Variants in XCR1 observed in about 807,000 individuals in gnomAD.
XCR1 encodes the protein X-C motif chemokine receptor 1, also known as chemokine XC receptor 1.
For synonymous variants in XCR1, 187 were observed against 188.5 expected, an observed-to-expected ratio of 0.99 and a Z score of 0.06; for missense variants, 356 against 424.2, an observed-to-expected ratio of 0.84 and a Z score of 1.41.
chr3:46,020,892 C>A lies in XCR1; in HGVS notation c.*54G>T. On this transcript the variant is annotated 3_prime_UTR_variant, in exon 2 of 2. Coordinates refer to ENST00000309285, the MANE Select transcript of XCR1 (RefSeq NM_001024644.2). ...TCCTTCCAGGCCCGCTTCTCCATGA[C>A]CCCCATTCCAGTCCCTGTCCACCTG... 1 of 1,571,126 alleles carries A rather than the reference C, an allele frequency of 6.4e-7. No homozygotes were observed. Among genetic ancestry groups the A allele is most frequent in the Non-Finnish European group, 8.6e-7 (1 of 1,160,212 alleles).
intron 5 of XCR1, among the ~76,000 whole-genome samples, chr3:46,053,156 A>G (rs1697780603): frequency 6.6e-6 from 1 of 152,230 alleles, no homozygotes; most frequent in Non-Finnish European, 1.5e-5. Context: ...ATCAAAGGGT[A>G]GAAGACACAT....
chr3:46,053,611 A>G (rs888518420), intron 5 of XCR1, among the ~76,000 whole-genome samples: 1 of 146,288 alleles, frequency 6.8e-6, no homozygotes, highest in South Asian at 2.2e-4. Flanking sequence ...AAGAGGAGAA[A>G]ACTGAAGAAT....
chr3:46,037,353 T>G (rs1476244027), intron 5 of XCR1, among the ~76,000 whole-genome samples: 2 of 152,058 alleles, frequency 1.3e-5, no homozygotes, highest in African/African-American at 4.8e-5. Context: ...AAGAAAGTTA[T>G]GAATGTGACA....
chr3:46,077,621 C>T (rs560424171), intron 1 of XCR1, among the ~76,000 whole-genome samples: 1 of 152,240 alleles, frequency 6.6e-6, no homozygotes, highest in South Asian at 2.1e-4. Context: ...TTCCATGAAA[C>T]TCGTCCCTGG....
intron 5 of XCR1, among the ~76,000 whole-genome samples, chr3:46,041,574 C>T (rs926025535): frequency 1.3e-5 from 2 of 152,142 alleles, no homozygotes; most frequent in African/African-American, 4.8e-5. Context: ...AGATCAATGA[C>T]CAGATTCCCC....
At chr3:46,035,851 G>A (rs755623570) in intron 5 of XCR1, among the ~76,000 whole-genome samples, 1 of 152,082 alleles carries the variant, frequency 6.6e-6, no homozygotes, top group Non-Finnish European at 1.5e-5. Context: ...TTGTTTGTGT[G>A]TGTGTCCAGG....
In XCR1 at chr3:46,021,913, A is replaced by C; in HGVS notation, c.35T>G (p.Phe12Cys). Residue 12 changes from phenylalanine to cysteine, a missense_variant, in exon 2 of 2, where the codon TTT becomes TGT. Physicochemically the swap from Phe to Cys is radical, Grantham distance 205. Transcript: ENST00000309285. This position sits in a 1 kb window ranked among gnomAD's most constrained non-coding sequence, Gnocchi z 4.7. ...ESSGNPESTT[F>C]FYYDLQSQPC... The stretch of plus-strand genomic sequence containing the variant: ...CTGGCTCTGAAGGTCATAGTAAAAA[A>C]AGGTGGTGCTCTCTGGGTTGCCTGA... The C allele has an allele frequency of 6.2e-7, 1 of 1,613,844 alleles. No individual in the cohort carries two copies.
intron 3 of XCR1, among the ~76,000 whole-genome samples, chr3:46,069,421 C>T (rs1453687373): frequency 6.6e-6 from 1 of 152,048 alleles, no homozygotes; most frequent in African/African-American, 2.4e-5. Context: ...ACTACAGACC[C>T]TGCAGACATC....
At chr3:46,072,324 G>C (rs1252033904) in intron 3 of XCR1, among the ~76,000 whole-genome samples, 1 of 151,978 alleles carries the variant, frequency 6.6e-6, no homozygotes, top group Non-Finnish European at 1.5e-5. Flanking sequence ...TTCGAGACCA[G>C]CCTGGGCAAC....
intron 5 of XCR1, among the ~76,000 whole-genome samples, chr3:46,048,474 C>T (rs191565961): frequency 2.0e-4 from 31 of 152,162 alleles, no homozygotes; most frequent in African/African-American, 4.3e-4. Flanking sequence ...TGATTCTGGT[C>T]GGCCTTCTCT....
At chr3:46,023,218 C>A (rs190764829) in intron 1 of XCR1, 32 of 537,034 alleles carry the variant, frequency 6.0e-5, no homozygotes, top group East Asian at 4.2e-4. Context: ...AGAGAGGACG[C>A]GGCTGCGTCG....
chr3:46,043,716 C>G (rs75824352), intron 5 of XCR1, among the ~76,000 whole-genome samples: 33,515 of 113,602 alleles, frequency 0.3, 5,143 homozygotes, highest in South Asian at 0.5. Flanking sequence ...GACCTCATCT[C>G]TACACACACA....
At chr3:46,030,965 C>A (rs538648680), upstream of XCR1, among the ~76,000 whole-genome samples, 3 of 152,232 alleles carry the variant, frequency 2.0e-5, no homozygotes, top group African/African-American at 7.2e-5. Context: ...TTCATTTGTG[C>A]GGGGTTGGCC....
intron 3 of XCR1, among the ~76,000 whole-genome samples, chr3:46,068,060 CCAG>C (rs1487976529): frequency 3.9e-5 from 6 of 152,120 alleles, no homozygotes; most frequent in Non-Finnish European, 7.4e-5. Context: ...CTCTTGGCTG[CCAG>C]TAACAGAGCA....
chr3:46,057,453 TTAAAA>T (rs1377759029), intron 4 of XCR1, among the ~76,000 whole-genome samples: 8 of 152,304 alleles, frequency 5.3e-5, no homozygotes, highest in Non-Finnish European at 1.0e-4. Flanking sequence ...TCCACATATG[TTAAAA>T]TAAATCAGAA....
At chr3:46,058,369 G>C (rs1575430770) in intron 4 of XCR1, among the ~76,000 whole-genome samples, 1 of 152,268 alleles carries the variant, frequency 6.6e-6, no homozygotes, top group East Asian at 1.9e-4. Context: ...GATGAACTCA[G>C]GGCTTCAAAT....
At chr3:46,026,318 A>G (rs2125894479) in intron 1 of XCR1, among the ~76,000 whole-genome samples, 1 of 152,262 alleles carries the variant, frequency 6.6e-6, no homozygotes, top group Non-Finnish European at 1.5e-5. Flanking sequence ...ACATTCAGTG[A>G]ACTGGCTCCC....
At chr3:46,050,483 A>G (rs1213362324) in intron 5 of XCR1, among the ~76,000 whole-genome samples, 1 of 152,310 alleles carries the variant, frequency 6.6e-6, no homozygotes, top group East Asian at 1.9e-4. Context: ...CAATTTTGAG[A>G]TTCCATTTGA....
intron 5 of XCR1, among the ~76,000 whole-genome samples, chr3:46,038,029 T>G (rs1038503689): frequency 9.2e-6 from 1 of 108,198 alleles, no homozygotes; most frequent in African/African-American, 6.4e-5. Flanking sequence ...GTTTGTTTTT[T>G]GTTTTTTTTT....
Sources: allele counts gnomAD v4.1 joint callset (sites outside exome capture counted in the v4.1 genomes callset), GRCh38; gene constraint gnomAD v4.1.1; non-coding constraint Gnocchi (gnomAD v3.1); transcripts MANE v1.5; gene names NCBI Gene and HGNC (gene_info 2026-07-23, HGNC 2026-07-21).